The following CACNA2D3 variants were observed in gnomAD, a reference collection of about 807,000 sequenced individuals.
The protein encoded by CACNA2D3 is voltage-dependent calcium channel subunit alpha-2/delta-3.
A neutral mutation model predicts 160.6 loss-of-function variants in CACNA2D3; 60 were observed. The ratio of observed to expected loss-of-function variants is 0.37; its 90% CI spans 0.30 to 0.46. The LOEUF (loss-of-function observed/expected upper bound fraction) is 0.46, where lower values mean the gene tolerates loss of function less well. CACNA2D3 is among the 20% of genes least tolerant of loss of function. The pLI is 1.00. For missense variants in CACNA2D3, 1,205 were observed against 1,365.0 expected (o/e 0.88, Z 1.85); for synonymous variants, 558 against 492.9 (o/e 1.13, Z -1.75).
intron 27 of CACNA2D3, among the ~76,000 whole-genome samples, chr3:54,925,951 T>C (rs1411520197): frequency 1.3e-5 from 2 of 152,250 alleles, no homozygotes; most frequent in Non-Finnish European, 2.9e-5. Context: ...TGGAAAAGCA[T>C]TAAGAATAGT....
intron 27 of CACNA2D3, chr3:54,918,737 C>A (rs1364653453): frequency 1.2e-6 from 2 of 1,614,038 alleles, no homozygotes; most frequent in Non-Finnish European, 1.7e-6. Flanking sequence ...GGCCTCAGGA[C>A]CACACCGTGG....
At chr3:54,480,836 A>T (rs1440106083) in intron 4 of CACNA2D3, among the ~76,000 whole-genome samples, 1 of 152,222 alleles carries the variant, frequency 6.6e-6, no homozygotes, top group Non-Finnish European at 1.5e-5. Context: ...TCTTAGGGTC[A>T]TCTGGTGGAA....
At chr3:54,163,234 A>G (rs1306589423) in intron 2 of CACNA2D3, among the ~76,000 whole-genome samples, 1 of 152,238 alleles carries the variant, frequency 6.6e-6, no homozygotes, top group Non-Finnish European at 1.5e-5. Flanking sequence ...TGCAGTAACA[A>G]CCAAATCTCA....
In CACNA2D3 at chr3:55,053,838, A is replaced by C. The variant is rs556119281; in HGVS notation, c.2988-19607A>C. On this transcript the variant is annotated intron_variant, in intron 35 of 37. Coordinates refer to ENST00000474759, the MANE Select transcript of CACNA2D3 (RefSeq NM_018398.3). ...AATGTAAAGGAGAAATGGTAAAATC[A>C]GACATGCTTTTCTGTTTCTGACCTT... is the stretch of plus-strand genomic sequence containing the variant. 1.4e-4 allele frequency among the ~76,000 whole-genome samples: 21 copies of C among 152,116 alleles called. 1 individual carries two copies. In the South Asian group the frequency reaches 4.4e-3, roughly 32 times the overall value.
chr3:54,676,371 C>G (rs1402643232), intron 11 of CACNA2D3, among the ~76,000 whole-genome samples: 1 of 152,098 alleles, frequency 6.6e-6, no homozygotes, highest in Non-Finnish European at 1.5e-5. Context: ...TGTCTTGTGT[C>G]TCTCCCAGCA....
intron 11 of CACNA2D3, among the ~76,000 whole-genome samples, chr3:54,652,460 C>T (rs954787352): frequency 6.6e-6 from 1 of 152,102 alleles, no homozygotes; most frequent in Non-Finnish European, 1.5e-5. Context: ...CAAACAAGAA[C>T]CTGAGACAGA....
chr3:55,060,689 A>C (rs1704485567), intron 35 of CACNA2D3, among the ~76,000 whole-genome samples: 1 of 152,184 alleles, frequency 6.6e-6, no homozygotes, highest in Non-Finnish European at 1.5e-5. Context: ...ATAGTTAACA[A>C]ACTCCTTACT....
intron 27 of CACNA2D3, among the ~76,000 whole-genome samples, chr3:54,914,392 A>G (rs1011791559): frequency 2.0e-5 from 3 of 152,142 alleles, no homozygotes; most frequent in African/African-American, 7.2e-5. Context: ...GAAATTCTCC[A>G]GGCCTGGACT....
In CACNA2D3 at chr3:54,642,217, A is replaced by C; in HGVS notation, c.1143A>C (p.Ala381=). ...TGGACACCTATGATACAATCTTTGCAAAATACAATTGGCCAGATCGAAAGG... is the reference window on the plus strand; with the variant it reads ...TGGACACCTATGATACAATCTTTGCCAAATACAATTGGCCAGATCGAAAGG... ...GAVDTYDTIF[A]KYNWPDRKVR... is the part of the protein sequence containing the mutation. Residue 381 remains alanine (A), a synonymous_variant, in exon 11 of 38, where the codon GCA becomes GCC. Coordinates refer to ENST00000474759, the MANE Select transcript of CACNA2D3 (RefSeq NM_018398.3). 3 of 1,612,142 alleles carry C rather than the reference A, an allele frequency of 1.9e-6. No homozygotes were observed. The highest frequency in any genetic ancestry group is 2.5e-6 in the Non-Finnish European group (3 of 1,178,994).
intron 11 of CACNA2D3, among the ~76,000 whole-genome samples, chr3:54,668,493 G>A (rs928452474): frequency 4.6e-5 from 7 of 152,158 alleles, no homozygotes; most frequent in Non-Finnish European, 1.0e-4. Flanking sequence ...TAATTACAGT[G>A]GCAAAATCTC....
At chr3:54,239,568 G>A (rs1224947165) in intron 2 of CACNA2D3, among the ~76,000 whole-genome samples, 1 of 152,204 alleles carries the variant, frequency 6.6e-6, no homozygotes, top group African/African-American at 2.4e-5. Flanking sequence ...CAAAAGTGTT[G>A]GATCAGAAGA....
chr3:54,840,847 C>T (rs931083580), intron 16 of CACNA2D3, among the ~76,000 whole-genome samples: 1 of 150,312 alleles, frequency 6.7e-6, no homozygotes, highest in Admixed American at 6.6e-5. Flanking sequence ...CTCAGCCCCC[C>T]GAGTAGCTGG....
intron 11 of CACNA2D3, among the ~76,000 whole-genome samples, chr3:54,745,330 G>A (rs1359196849): frequency 6.6e-6 from 1 of 151,874 alleles, no homozygotes; most frequent in East Asian, 1.9e-4. Flanking sequence ...GATTAGGGCA[G>A]GTGGTATGAC....
chr3:54,772,607 G>T (rs1375103426), intron 13 of CACNA2D3, among the ~76,000 whole-genome samples: 1 of 151,892 alleles, frequency 6.6e-6, no homozygotes, highest in Non-Finnish European at 1.5e-5. Flanking sequence ...TGTTTTCCTG[G>T]TGAAATCCAA....
At chr3:54,883,939 T>G (rs996212760) in intron 21 of CACNA2D3, among the ~76,000 whole-genome samples, 1 of 152,124 alleles carries the variant, frequency 6.6e-6, no homozygotes, top group Admixed American at 6.6e-5. Context: ...AATTTTAATA[T>G]AATTTACTAT....
At chr3:54,930,326 C>T (rs1254499918) in intron 27 of CACNA2D3, among the ~76,000 whole-genome samples, 3 of 152,178 alleles carry the variant, frequency 2.0e-5, no homozygotes, top group Non-Finnish European at 4.4e-5. Context: ...GTAAGATGAT[C>T]TTTAAGGCCT....
chr3:54,719,408 A>T (rs894721015), intron 11 of CACNA2D3, among the ~76,000 whole-genome samples: 1 of 152,058 alleles, frequency 6.6e-6, no homozygotes, highest in African/African-American at 2.4e-5. Flanking sequence ...TTGTGCACCT[A>T]TTAAAATTAT....
chr3:54,128,445 T>C (rs1699641955), intron 2 of CACNA2D3, among the ~76,000 whole-genome samples: 1 of 152,232 alleles, frequency 6.6e-6, no homozygotes, highest in South Asian at 2.1e-4. Flanking sequence ...CTTGGATTTA[T>C]CTCCACTTGG....
intron 16 of CACNA2D3, among the ~76,000 whole-genome samples, chr3:54,839,672 G>A (rs183413159): frequency 6.6e-6 from 1 of 152,228 alleles, no homozygotes; most frequent in East Asian, 1.9e-4. Flanking sequence ...TTCTTTCTTG[G>A]CACCACCCTC....
Sources: allele counts gnomAD v4.1 joint callset (sites outside exome capture counted in the v4.1 genomes callset), GRCh38; gene constraint gnomAD v4.1.1; transcripts MANE v1.5; gene names NCBI Gene and HGNC (gene_info 2026-07-23, HGNC 2026-07-21).